MTHFD1: variants seen among roughly 807,000 people sequenced by gnomAD.
MTHFD1 encodes the protein C-1-tetrahydrofolate synthase, cytoplasmic.
Under a neutral mutation model 110.3 loss-of-function variants are expected in MTHFD1, and 44 were observed. The observed-to-expected ratio is 0.40, with a 90% CI of 0.31 to 0.51. MTHFD1 has a LOEUF of 0.51. Ranked by LOEUF, MTHFD1 falls within the 20% of genes least tolerant of loss-of-function variation. The pLI is 0.60. For missense variants in MTHFD1, 909 were observed against 1,173.1 expected (o/e 0.77, Z 3.29); for synonymous variants, 402 against 428.8 (o/e 0.94, Z 0.77).
intron 2 of MTHFD1, among the ~76,000 whole-genome samples, chr14:64,409,984 C>T (rs1006837648): frequency 2.6e-5 from 4 of 152,176 alleles, no homozygotes; most frequent in Non-Finnish European, 5.9e-5. Context: ...CTCTGTGATA[C>T]CCTCTGCAAT....
At chr14:64,446,623 G>C (rs533916536) in intron 22 of MTHFD1, among the ~76,000 whole-genome samples, 322 of 150,662 alleles carry the variant, frequency 2.1e-3, no homozygotes, top group African/African-American at 7.5e-3. Flanking sequence ...CTCACTGCAA[G>C]CTCCGCCTCC....
Position 64,448,966 on chromosome 14 carries a change from ATTTT to A in MTHFD1, c.2280-476_2280-473del, listed in dbSNP as rs529782204. On this transcript the variant is annotated intron_variant, in intron 23 of 27. Transcript: ENST00000652337. Reference sequence around the variant, plus strand: ...AGGTGCCTGCCACCATGCCCAGCTAATTTTTTGTATTTTTAGTAGAGACGGGGTT... The same window carrying A: ...AGGTGCCTGCCACCATGCCCAGCTAATTGTATTTTTAGTAGAGACGGGGTT... 11 of 226,350 alleles carry A rather than the reference ATTTT, an allele frequency of 4.9e-5. No homozygotes were observed. In the South Asian group the frequency reaches 6.9e-4, roughly 14 times the overall value. 14.0% of individuals were successfully genotyped at this position (226,350 alleles called of 1,614,324 possible).
intron 15 of MTHFD1, among the ~76,000 whole-genome samples, chr14:64,435,280 A>T (rs527859882): frequency 1.3e-5 from 2 of 152,002 alleles, no homozygotes; most frequent in Admixed American, 6.6e-5. Flanking sequence ...CTTCTTTGCT[A>T]GTAAAATCTT....
At position 64,452,083 on chromosome 14, in the gene MTHFD1, G is replaced by A. The variant is rs147438414; in HGVS notation, c.2458-1671G>A. On this transcript the variant is annotated intron_variant, in intron 24 of 27. Coordinates refer to ENST00000652337, the MANE Select transcript of MTHFD1 (RefSeq NM_005956.4). ...AGCTGAGGTGGGTGGATCACCTAAG[G>A]TCAGGAGTTCGAGACCAGCCTGACC... Among the ~76,000 whole-genome samples the A allele has an allele frequency of 3.1e-3, 474 of 152,278 alleles. 4 individuals are homozygous for A. Among genetic ancestry groups the A allele is most frequent in the African/African-American group, 0.011 (457 of 41,566 alleles).
At chr14:64,446,933 G>A (rs2078293893) in intron 22 of MTHFD1, among the ~76,000 whole-genome samples, 1 of 151,862 alleles carries the variant, frequency 6.6e-6, no homozygotes, top group Admixed American at 6.6e-5. Flanking sequence ...TCTAACTCTT[G>A]GGCTTAAGCA....
intron 22 of MTHFD1, among the ~76,000 whole-genome samples, chr14:64,447,090 G>A (rs948111874): frequency 2.0e-5 from 3 of 149,442 alleles, no homozygotes; most frequent in East Asian, 2.0e-4. Flanking sequence ...GTGATCCTCC[G>A]ATCTCAGCCT....
At chr14:64,454,269 C>T (rs1052648186) in intron 25 of MTHFD1, among the ~76,000 whole-genome samples, 1 of 152,088 alleles carries the variant, frequency 6.6e-6, no homozygotes, top group African/African-American at 2.4e-5. Flanking sequence ...CGCACCACCA[C>T]ACCTGGCTAA....
intron 1 of MTHFD1, among the ~76,000 whole-genome samples, chr14:64,391,339 AT>A (rs2077803035): frequency 6.6e-6 from 1 of 151,914 alleles, no homozygotes; most frequent in South Asian, 2.1e-4. Flanking sequence ...TAATTTTTGA[AT>A]TTTTAGTAGA....
intron 8 of MTHFD1, among the ~76,000 whole-genome samples, chr14:64,421,215 G>T (rs776004254): frequency 2.6e-5 from 4 of 152,066 alleles, no homozygotes; most frequent in Non-Finnish European, 5.9e-5. Flanking sequence ...TTTGTTGCAT[G>T]TGTCTCATGT....
chr14:64,430,292 TG>T, intron 13 of MTHFD1, 62 bp downstream of exon 13: 3 of 1,444,018 alleles, frequency 2.1e-6, no homozygotes, highest in Non-Finnish European at 2.9e-6. Flanking sequence ...GGGAGGGTGC[TG>T]AATTAGCTCC....
intron 25 of MTHFD1, 63 bp from the exon 26 acceptor site, chr14:64,454,660 A>G (rs1204004405): frequency 2.2e-6 from 3 of 1,356,424 alleles, no homozygotes; most frequent in East Asian, 2.3e-5. Flanking sequence ...CACAGGGCCC[A>G]GATGGTCATT....
intron 3 of MTHFD1, among the ~76,000 whole-genome samples, chr14:64,411,885 G>C (rs2077988161): frequency 6.6e-6 from 1 of 151,968 alleles, no homozygotes; most frequent in South Asian, 2.1e-4. Flanking sequence ...TGGGCAATAA[G>C]AGTGAAGCTC....
intron 26 of MTHFD1, 37 bp downstream of exon 26, chr14:64,454,912 G>T: frequency 6.2e-7 from 1 of 1,606,894 alleles, no homozygotes; most frequent in Non-Finnish European, 8.5e-7. Context: ...GGGCGCATCT[G>T]CACTTCTCGT....
At chr14:64,399,767 G>A (rs2077882906) in intron 1 of MTHFD1, among the ~76,000 whole-genome samples, 1 of 151,868 alleles carries the variant, frequency 6.6e-6, no homozygotes, top group Non-Finnish European at 1.5e-5. Context: ...CCATTCAGTG[G>A]TGTTTTTATT....
intron 15 of MTHFD1, among the ~76,000 whole-genome samples, chr14:64,433,653 A>G (rs73263767): frequency 0.061 from 9,180 of 150,144 alleles, 497 homozygotes; most frequent in African/African-American, 0.15. Context: ...GGGCTCAAGC[A>G]ATCTGCCTAC....
intron 1 of MTHFD1, among the ~76,000 whole-genome samples, chr14:64,399,671 A>G (rs397852873): frequency 9.2e-5 from 14 of 151,776 alleles, no homozygotes; most frequent in African/African-American, 1.4e-4. Context: ...AAAAAAAAAA[A>G]AAAAAGAAAA....
At chr14:64,422,368 A>G (rs1048168620) in intron 8 of MTHFD1, among the ~76,000 whole-genome samples, 1 of 152,174 alleles carries the variant, frequency 6.6e-6, no homozygotes, top group African/African-American at 2.4e-5. Context: ...TTATTTAAAT[A>G]GTTTGCATGG....
chr14:64,413,116 C>T (rs535921296), intron 4 of MTHFD1, among the ~76,000 whole-genome samples: 2 of 151,384 alleles, frequency 1.3e-5, no homozygotes, highest in African/African-American at 4.8e-5. Context: ...TTTTGGGAGG[C>T]CGAGGTGGGC....
chr14:64,454,591 G>C, intron 25 of MTHFD1, 132 bp from the exon 26 acceptor site: 1 of 734,972 alleles, frequency 1.4e-6, no homozygotes, highest in Non-Finnish European at 2.4e-6. Context: ...AGGACAGCAA[G>C]ATAGAGATGT....
Sources: gnomAD v4.1 joint callset for allele counts (sites outside exome capture counted in the v4.1 genomes callset) on GRCh38, gnomAD v4.1.1 for gene constraint, MANE v1.5 for transcripts, NCBI Gene and HGNC (gene_info 2026-07-23, HGNC 2026-07-21) for gene names.